Variants in KRT39 observed in about 807,000 individuals in gnomAD.
The protein encoded by KRT39 is keratin 39.
KRT39 carries 47 observed loss-of-function variants against 54.8 expected under a neutral mutation model. That is an observed-to-expected ratio of 0.86 (90% CI 0.68 to 1.09). The LOEUF (loss-of-function observed/expected upper bound fraction) is 1.09, where lower values mean the gene tolerates loss of function less well. Among genes scored for constraint, KRT39 ranks in the 50% least tolerant of loss-of-function variants. KRT39 has a pLI of 0.00. For missense variants in KRT39, 580 were observed against 598.5 expected (o/e 0.97, Z 0.32); for synonymous variants, 207 against 227.9 (o/e 0.91, Z 0.83).
chr17:40,962,505 G>T lies in KRT39; in HGVS notation c.767C>A (p.Ala256Asp). 1 of 1,614,132 alleles carries T rather than the reference G, an allele frequency of 6.2e-7. No individual in the cohort carries two copies. Among genetic ancestry groups the T allele is most frequent in the Non-Finnish European group, 8.5e-7 (1 of 1,180,006 alleles). Residue 256 changes from alanine (A) to aspartate (D), a missense_variant, in exon 4 of 7, where the codon GCC (alanine) becomes GAC (aspartate). Physicochemically the swap from Ala to Asp is moderately radical, Grantham distance 126 (BLOSUM62 -2). Coordinates refer to ENST00000355612, the MANE Select transcript of KRT39 (RefSeq NM_213656.4). The part of the protein sequence containing the change: ...GERLDIEVTA[A>D]PSADLNQVLQ... ...AACCTGGTTTAGGTCAGCAGAAGGG[G>T]CAGCAGTCACTTCAATGTCAAGTCT...
Position 40,958,558 on chromosome 17 carries a change from C to A in KRT39, c.*43G>T. On this transcript the variant is annotated 3_prime_UTR_variant, in exon 7 of 7. Transcript: ENST00000355612. ...CCTCTCTGGCAGGAGCATGTATTGG[C>A]CTCTGTTTCATAAATGTGGGTCATT... 6.4e-7 allele frequency: 1 copy of A among 1,560,514 alleles called. No individual in the cohort carries two copies.
At chr17:40,962,075 G>C in intron 5 of KRT39, 87 bp downstream of exon 5, 1 of 1,494,476 alleles carries the variant, frequency 6.7e-7, no homozygotes, top group Non-Finnish European at 9.0e-7. Flanking sequence ...TGTTCTGAAA[G>C]ACACAGTTTG....
intron 2 of KRT39, 30 bp downstream of exon 2, chr17:40,964,416 G>C (rs758912866): frequency 2.5e-6 from 4 of 1,600,142 alleles, no homozygotes; most frequent in Non-Finnish European, 3.4e-6. Context: ...GGTGAGCTCT[G>C]TCATTGATGA....
Position 40,962,139 on chromosome 17 carries a change from G to A in KRT39, c.996+23C>T, listed in dbSNP as rs1597904829. 5 of 1,612,852 alleles carry A rather than the reference G, an allele frequency of 3.1e-6. No homozygotes were observed. The East Asian group carries it at 8.9e-5, about 29-fold the overall frequency. On this transcript the variant is annotated intron_variant, in intron 5 of 6. Coordinates refer to ENST00000355612, the MANE Select transcript of KRT39 (RefSeq NM_213656.4). ...GACTGTTTCCATCTTTGCTGAGCTA[G>A]GCTTGGTCAGCTTGCTCAGTACCAT...
At chr17:40,960,815 CTTA>C in intron 5 of KRT39, 11 of 403,886 alleles carry the variant, frequency 2.7e-5, no homozygotes, top group Non-Finnish European at 4.5e-5. Context: ...AAAATAATAA[CTTA>C]ATGCACACCC....
At chr17:40,959,772 T>C (rs1567829788) in intron 6 of KRT39, among the ~76,000 whole-genome samples, 1 of 152,212 alleles carries the variant, frequency 6.6e-6, no homozygotes, top group Admixed American at 6.5e-5. Flanking sequence ...ATAACTTTTA[T>C]TTTTTAAAAA....
chr17:40,962,632 T>A, intron 3 of KRT39, 69 bp from the exon 4 acceptor site: 1 of 1,346,198 alleles, frequency 7.4e-7, no homozygotes, highest in Non-Finnish European at 1.0e-6. Context: ...TGTTTCACTC[T>A]AACTGCTACG....
chr17:40,963,748 T>C lies in KRT39; in HGVS notation c.587A>G (p.Glu196Gly), dbSNP rs2143621388. The C allele has an allele frequency of 1.2e-6, 2 of 1,604,732 alleles. No homozygotes were observed. Among genetic ancestry groups the C allele is most frequent in the East Asian group, 2.2e-5 (1 of 44,660 alleles). Residue 196 changes from glutamate to glycine, a missense_variant, in exon 3 of 7, where the codon GAG becomes GGG. Transcript: ENST00000355612. ...CTGCTTGAGGCCATTGGCATCTGAC[T>C]CTACCAGCTGGCGTAGAGACACCTC... ...EAEVSLRQLV[E>G]SDANGLKQIL...
intron 3 of KRT39, 130 bp downstream of exon 3, chr17:40,963,497 G>T: frequency 2.5e-6 from 2 of 798,710 alleles, no homozygotes; most frequent in Non-Finnish European, 1.9e-6. Context: ...CCTACTCTCA[G>T]TTATTTCTTT....
chr17:40,961,160 G>A (rs1206328603), intron 5 of KRT39, among the ~76,000 whole-genome samples: 1 of 150,906 alleles, frequency 6.6e-6, no homozygotes, highest in African/African-American at 2.4e-5. Context: ...GCATTACCAT[G>A]GCACTTCATT....
In KRT39 at chr17:40,966,488, T is replaced by G; in HGVS notation, c.369A>C (p.Glu123Asp). 6.2e-7 allele frequency: 1 copy of G among 1,614,180 alleles called. No homozygotes were observed. Among genetic ancestry groups the G allele is most frequent in the Non-Finnish European group, 8.5e-7 (1 of 1,180,026 alleles). The part of the protein sequence containing the change: ...KVRMLERENA[E>D]LESKIQEESN... ...TTTCTTCCTGGATTTTAGATTCCAGTTCAGCATTCTCTCGTTCTAGCATTC... is the reference window on the plus strand; with the variant it reads ...TTTCTTCCTGGATTTTAGATTCCAGGTCAGCATTCTCTCGTTCTAGCATTC... Residue 123 changes from glutamate to aspartate, a missense_variant, in exon 1 of 7, where the codon GAA becomes GAC. Physicochemically the swap from Glu to Asp is conservative, Grantham distance 45. Coordinates refer to ENST00000355612, the MANE Select transcript of KRT39 (RefSeq NM_213656.4).
Sources: allele counts gnomAD v4.1 joint callset (sites outside exome capture counted in the v4.1 genomes callset), GRCh38; gene constraint gnomAD v4.1.1; transcripts MANE v1.5; gene names NCBI Gene and HGNC (gene_info 2026-07-23, HGNC 2026-07-21).